Variants in SMDT1 observed in about 807,000 individuals in gnomAD.
SMDT1 encodes single-pass membrane protein with aspartate rich tail 1.
Under a neutral mutation model 5.9 loss-of-function variants are expected in SMDT1, and 6 were observed. That is an observed-to-expected ratio of 1.03 (90% CI 0.56 to 2.02). SMDT1 has a LOEUF of 2.02. Ranked by LOEUF, SMDT1 falls within the 30% of genes most tolerant of loss-of-function variation. The pLI is 0.00. For synonymous variants in SMDT1, 81 were observed against 62.4 expected (o/e 1.30, Z -1.40); for missense variants, 159 against 145.6 (o/e 1.09, Z -0.47).
At chr22:42,080,196 G>A (rs1420412984) in intron 1 of SMDT1, among the ~76,000 whole-genome samples, 3 of 152,166 alleles carry the variant, frequency 2.0e-5, no homozygotes, top group Non-Finnish European at 4.4e-5. Context: ...TGTCCTGAGA[G>A]GTGCGGTGCT....
intron 1 of SMDT1, among the ~76,000 whole-genome samples, chr22:42,080,562 C>T (rs897744035): frequency 2.6e-5 from 4 of 152,172 alleles, no homozygotes; most frequent in Admixed American, 1.3e-4. Context: ...ACACTGAACG[C>T]TATCACATGC....
chr22:42,082,373 G>T (rs1475645064), intron 2 of SMDT1: 5 of 310,232 alleles, frequency 1.6e-5, no homozygotes, highest in African/African-American at 1.1e-4. Flanking sequence ...GGCTAATTTT[G>T]TATTTTTAGT....
At chr22:42,080,629 T>C (rs953198391) in intron 1 of SMDT1, among the ~76,000 whole-genome samples, 27 of 152,230 alleles carry the variant, frequency 1.8e-4, no homozygotes, top group South Asian at 2.1e-4. Flanking sequence ...AAGTTTGCTT[T>C]ACGACTGCAG....
At chr22:42,081,302 A>G (rs1254691942) in intron 1 of SMDT1, among the ~76,000 whole-genome samples, 5 of 151,576 alleles carry the variant, frequency 3.3e-5, no homozygotes, top group African/African-American at 1.2e-4. Flanking sequence ...AGTAGCTGGG[A>G]CTACAGGCAT....
chr22:42,080,813 T>C (rs941823194), intron 1 of SMDT1, among the ~76,000 whole-genome samples: 7 of 152,254 alleles, frequency 4.6e-5, no homozygotes, highest in African/African-American at 1.7e-4. Context: ...GAGATTTTAC[T>C]GACATTCTCC....
In SMDT1 at chr22:42,083,721, A is replaced by C. The variant is rs560519420; in HGVS notation, c.*606A>C. On this transcript the variant is annotated 3_prime_UTR_variant, in exon 3 of 3. Coordinates refer to ENST00000331479, the MANE Select transcript of SMDT1 (RefSeq NM_033318.5). ...TAGGTTTTCATCTATTTCCTGGCTT[A>C]TAACTCCCAAAACCCTTGTTTTAGG... The C allele has an allele frequency of 6.6e-6, 1 of 152,174 alleles. No homozygotes were observed. Among genetic ancestry groups the C allele is most frequent in the Admixed American group, 6.5e-5 (1 of 15,272 alleles). 9.4% of individuals were successfully genotyped at this position (152,174 alleles called of 1,614,324 possible).
chr22:42,082,480 C>T (rs562042532), intron 2 of SMDT1, among the ~76,000 whole-genome samples: 90 of 152,262 alleles, frequency 5.9e-4, no homozygotes, highest in African/African-American at 1.9e-3. Context: ...TGATTACAGG[C>T]GTGAGCCACT....
intron 1 of SMDT1, among the ~76,000 whole-genome samples, chr22:42,080,304 A>G (rs1461235268): frequency 1.3e-5 from 2 of 152,180 alleles, no homozygotes; most frequent in African/African-American, 4.8e-5. Context: ...GGGATGAAAT[A>G]TGAATTTTGA....
At chr22:42,081,886 G>C (rs978453930) in intron 1 of SMDT1, 39 bp from the exon 2 acceptor site, 1 of 1,611,362 alleles carries the variant, frequency 6.2e-7, no homozygotes, top group Non-Finnish European at 8.5e-7. Context: ...TGCCAGAGTG[G>C]GCTCTGGAGC....
chr22:42,082,261 G>C, intron 2 of SMDT1, 196 bp downstream of exon 2: 1 of 623,864 alleles, frequency 1.6e-6, no homozygotes, highest in Non-Finnish European at 2.7e-6. Context: ...GAGTGCAATG[G>C]CATGATCTCG....
At chr22:42,081,473 T>TC (rs1442548269) in intron 1 of SMDT1, among the ~76,000 whole-genome samples, 1 of 150,570 alleles carries the variant, frequency 6.6e-6, no homozygotes, top group East Asian at 1.9e-4. Context: ...CCTTTTGTCT[T>TC]TTTTTTAGAC....
rs754763113 is a variant in SMDT1 at position 42,079,976 on chromosome 22, G to A, written c.186+22G>A. 7 of 1,598,730 alleles carry A rather than the reference G, an allele frequency of 4.4e-6. No individual in the cohort carries two copies. The East Asian group carries it at 1.6e-4, about 36-fold the overall frequency. ...GAAAGTGAGTGTCCTCCTGGAGACG[G>A]GGCGAAGGGGCTGAGGCCAATCATT... is the stretch of plus-strand genomic sequence containing the variant. On this transcript the variant is annotated intron_variant, in intron 1 of 2. Coordinates refer to ENST00000331479, the MANE Select transcript of SMDT1 (RefSeq NM_033318.5).
In SMDT1 at chr22:42,081,942, C is replaced by T. The variant is rs17852211; in HGVS notation, c.204C>T (p.Leu68=). The change falls in exon 2 of 3, where the codon CTC becomes CTT. Residue 68 remains leucine, a synonymous_variant. Transcript: ENST00000331479. ...CTCTGCAGATGTCCTTCGGCCTTCT[C>T]CGTGTGTTCTCCATTGTGATCCCCT... ...PKPVKMSFGL[L]RVFSIVIPFL... The T allele has an allele frequency of 6.2e-7, 1 of 1,614,126 alleles. No homozygotes were observed.
In SMDT1 at chr22:42,082,052, A is replaced by G. The variant is rs567401531; in HGVS notation, c.314A>G (p.Asp105Gly). Residue 105 changes from aspartate to glycine, a missense_variant, in exon 2 of 3, where the codon GAT becomes GGT. Transcript: ENST00000331479. ...ATTTTTGTTCCAGAGGATGATGATG[A>G]TGATGACTAACAGGTAAGACTTGCT... ...HDIFVPEDDD[D>G]DD 1 of 1,612,352 alleles carries G rather than the reference A, an allele frequency of 6.2e-7. No homozygotes were observed. The highest frequency in any genetic ancestry group is 1.1e-5 in the South Asian group (1 of 91,090).
At chr22:42,080,223 A>G (rs997740424) in intron 1 of SMDT1, among the ~76,000 whole-genome samples, 2 of 152,192 alleles carry the variant, frequency 1.3e-5, no homozygotes, top group Non-Finnish European at 2.9e-5. Context: ...CTCTGGAGTC[A>G]GAAGACTAGG....
intron 2 of SMDT1, 128 bp downstream of exon 2, chr22:42,082,193 C>A: frequency 8.2e-7 from 1 of 1,213,010 alleles, no homozygotes; most frequent in South Asian, 1.4e-5. Flanking sequence ...CACTTGGTGG[C>A]TAATGTTTTC....
rs1212587203 is a variant in SMDT1, at chr22:42,079,823, C to T, written c.55C>T (p.Leu19Phe). 6 of 1,613,322 alleles carry T rather than the reference C, an allele frequency of 3.7e-6. No individual in the cohort carries two copies. Among genetic ancestry groups the T allele is most frequent in the Non-Finnish European group, 3.4e-6 (4 of 1,179,914 alleles). ...ATTGGCACCCGTCAGGTCCGGGGCT[C>T]TCCGGAGCGGGCCTAGCTTGAGGAA... ...LVLAPVRSGA[L>F]RSGPSLRKDG... The change falls in exon 1 of 3, where the codon CTC becomes TTC. Residue 19 changes from leucine (L) to phenylalanine (F), a missense_variant. Leu to Phe is a conservative substitution (Grantham distance 22, BLOSUM62 0). Transcript: ENST00000331479.
intron 2 of SMDT1, 48 bp from the exon 3 acceptor site, chr22:42,083,071 G>A (rs1927905488): frequency 6.6e-6 from 1 of 152,452 alleles, no homozygotes; most frequent in South Asian, 2.1e-4. Flanking sequence ...GTCTGCGGAT[G>A]GAAGACTACG....
rs1046894060 is a variant in SMDT1, at chr22:42,081,955, A to G, written c.217A>G (p.Ile73Val). The change falls in exon 2 of 3, where the codon ATT becomes GTT. Residue 73 changes from isoleucine to valine, a missense_variant. By Grantham distance (29) the Ile-to-Val change is conservative (BLOSUM62 3). Coordinates refer to ENST00000331479, the MANE Select transcript of SMDT1 (RefSeq NM_033318.5). ...CTTCGGCCTTCTCCGTGTGTTCTCC[A>G]TTGTGATCCCCTTTCTCTATGTCGG... Reference protein sequence around the residue: ...MSFGLLRVFSIVIPFLYVGTL... With the variant: ...MSFGLLRVFSVVIPFLYVGTL... The G allele has an allele frequency of 1.9e-6, 3 of 1,614,068 alleles. No individual in the cohort carries two copies. Among genetic ancestry groups the G allele is most frequent in the African/African-American group, 1.3e-5 (1 of 75,024 alleles).
Sources: allele counts gnomAD v4.1 joint callset (sites outside exome capture counted in the v4.1 genomes callset), GRCh38; gene constraint gnomAD v4.1.1; transcripts MANE v1.5; gene names NCBI Gene and HGNC (gene_info 2026-07-23, HGNC 2026-07-21).